The following NCK2 variants were observed in gnomAD, a reference collection of about 807,000 sequenced individuals.
NCK2 encodes NCK adaptor protein 2, also known as cytoplasmic protein NCK2.
In NCK2, 16 loss-of-function variants were observed where a neutral mutation model predicts 33.9. That is an observed-to-expected ratio of 0.47 (90% confidence interval 0.32 to 0.72). NCK2 has a LOEUF of 0.72. Ranked by LOEUF, NCK2 falls within the 30% of genes least tolerant of loss-of-function variation. NCK2 has a pLI of 0.03. For synonymous variants in NCK2, 273 were observed against 239.9 expected (o/e 1.14, Z -1.27); for missense variants, 418 against 537.3 (o/e 0.78, Z 2.19).
intron 1 of NCK2, among the ~76,000 whole-genome samples, chr2:105,761,185 C>G (rs1689753820): frequency 6.6e-6 from 1 of 152,136 alleles, no homozygotes; most frequent in Admixed American, 6.5e-5. Flanking sequence ...TGTGCCCTAC[C>G]CGGGTGCTGG....
At chr2:105,773,273 T>C (rs1334862649) in intron 1 of NCK2, among the ~76,000 whole-genome samples, 3 of 152,026 alleles carry the variant, frequency 2.0e-5, no homozygotes, top group Admixed American at 6.6e-5. Context: ...ATTGCAGTTG[T>C]TTCTCGAATC....
rs1285546797 is a variant in NCK2 at position 105,797,833 on chromosome 2, G to GA, written c.-200-18589dup. Among the ~76,000 whole-genome samples, 5 of 151,952 alleles carry GA rather than the reference G, an allele frequency of 3.3e-5. No homozygotes were observed. The East Asian group carries it at 7.7e-4, about 23-fold the overall frequency. On this transcript the variant is annotated intron_variant, in intron 1 of 4. Transcript: ENST00000233154. ...AAAACCAGTTTGTAAATTTGGCACA[G>GA]AAAAAAAACCCTTTCAGCAATTTGG...
intron 2 of NCK2, among the ~76,000 whole-genome samples, chr2:105,830,487 A>G (rs568372426): frequency 1.4e-4 from 21 of 152,096 alleles, no homozygotes; most frequent in Non-Finnish European, 2.9e-4. Context: ...GTTAATGGAC[A>G]CTTAGGTTGA....
intron 2 of NCK2, among the ~76,000 whole-genome samples, chr2:105,828,387 GC>G (rs1676036586): frequency 6.6e-6 from 1 of 152,062 alleles, no homozygotes; most frequent in Non-Finnish European, 1.5e-5. Flanking sequence ...ACAATAATTT[GC>G]CTGTAATTAA....
chr2:105,873,860 G>A (rs572327672), intron 3 of NCK2, among the ~76,000 whole-genome samples: 3 of 152,270 alleles, frequency 2.0e-5, no homozygotes, highest in Admixed American at 6.5e-5. Context: ...CCTCTGCAGC[G>A]TGGGCAGATG....
At position 105,893,998 on chromosome 2, in the gene NCK2, T is replaced by TGC. The variant is rs951266488; in HGVS notation, c.*823_*824dup. ...CCAACACTTTATACACACACACACG[T>TGC]GCACACACACACACACACACACTAT... On this transcript the variant is annotated 3_prime_UTR_variant, in exon 5 of 5. Coordinates refer to ENST00000233154, the MANE Select transcript of NCK2 (RefSeq NM_003581.5). 1.6e-4 allele frequency: 6 copies of TGC among 36,580 alleles called. No homozygotes were observed. Among genetic ancestry groups the TGC allele is most frequent in the East Asian group, 1.2e-3 (1 of 824 alleles). 2.3% of individuals were successfully genotyped at this position (36,580 alleles called of 1,614,324 possible). A position where few individuals can be genotyped will look rare whatever the true frequency, so the allele number is the denominator to read the frequency against.
At chr2:105,780,747 A>G (rs1333853040) in intron 1 of NCK2, among the ~76,000 whole-genome samples, 1 of 152,082 alleles carries the variant, frequency 6.6e-6, no homozygotes, top group East Asian at 1.9e-4. Context: ...TAATTTCCTT[A>G]CGGAAGACAC....
intron 3 of NCK2, 80 bp downstream of exon 3, chr2:105,855,369 CAAA>C (rs3832068): frequency 3.0e-5 from 22 of 744,654 alleles, no homozygotes; most frequent in Admixed American, 1.4e-4. Context: ...TTTGCTGTTT[CAAA>C]AAAAAAAAAG....
chr2:105,823,339 TGGAGGGTGTG>T (rs1278646983), intron 2 of NCK2, among the ~76,000 whole-genome samples: 1 of 151,844 alleles, frequency 6.6e-6, no homozygotes, highest in Non-Finnish European at 1.5e-5. Context: ...GCGTGTCTGG[TGGAGGGTGTG>T]GGAGGGGAGT....
upstream of NCK2, among the ~76,000 whole-genome samples, chr2:105,744,463 G>A (rs920759345): frequency 2.0e-5 from 3 of 152,162 alleles, no homozygotes; most frequent in Non-Finnish European, 4.4e-5. Context: ...TTCGTGATAA[G>A]AACAACGAAC....
At chr2:105,784,443 TAGTA>T (rs1407415945) in intron 1 of NCK2, among the ~76,000 whole-genome samples, 4 of 152,244 alleles carry the variant, frequency 2.6e-5, no homozygotes, top group Non-Finnish European at 5.9e-5. Flanking sequence ...CCTTTCAGGC[TAGTA>T]AGTATTGATG....
intron 1 of NCK2, among the ~76,000 whole-genome samples, chr2:105,777,691 C>T (rs1009441820): frequency 2.6e-5 from 4 of 152,266 alleles, no homozygotes; most frequent in African/African-American, 9.6e-5. Context: ...TATCAAGGTC[C>T]TGTGTGTAGA....
intron 1 of NCK2, among the ~76,000 whole-genome samples, chr2:105,812,672 A>G (rs1257309837): frequency 1.3e-5 from 2 of 152,194 alleles, no homozygotes; most frequent in Non-Finnish European, 2.9e-5. Context: ...TAAAAGGAAA[A>G]GGACAATTGC....
intron 1 of NCK2, among the ~76,000 whole-genome samples, chr2:105,776,715 G>A (rs1690314682): frequency 6.6e-6 from 1 of 152,270 alleles, no homozygotes; most frequent in African/African-American, 2.4e-5. Flanking sequence ...CAGCAGGGCT[G>A]GACTTAGTCC....
chr2:105,867,652 G>T (rs1387199486), intron 3 of NCK2, among the ~76,000 whole-genome samples: 1 of 152,190 alleles, frequency 6.6e-6, no homozygotes, highest in Admixed American at 6.5e-5. Context: ...AGTTCACAGT[G>T]GGGTGTGTGG....
intron 1 of NCK2, among the ~76,000 whole-genome samples, chr2:105,787,672 C>A (rs1013889924): frequency 1.2e-4 from 18 of 152,158 alleles, no homozygotes; most frequent in African/African-American, 4.1e-4. Flanking sequence ...GCGGTGGAGA[C>A]TCCACCCCAT....
intron 2 of NCK2, among the ~76,000 whole-genome samples, chr2:105,818,360 T>C (rs922213372): frequency 6.6e-6 from 1 of 151,242 alleles, no homozygotes; most frequent in Non-Finnish European, 1.5e-5. Flanking sequence ...CACACCAACA[T>C]GGCACATGTA....
intron 4 of NCK2, among the ~76,000 whole-genome samples, chr2:105,887,451 C>T (rs1311325424): frequency 1.3e-5 from 2 of 151,942 alleles, no homozygotes; most frequent in Admixed American, 1.3e-4. Flanking sequence ...GAGACTTCAG[C>T]GTGGCTGGAG....
At chr2:105,815,049 T>G (rs1041519134) in intron 1 of NCK2, among the ~76,000 whole-genome samples, 2 of 152,206 alleles carry the variant, frequency 1.3e-5, no homozygotes, top group African/African-American at 4.8e-5. Context: ...GAACTCTTGG[T>G]CAAGAACTGA....
Sources: allele counts gnomAD v4.1 joint callset (sites outside exome capture counted in the v4.1 genomes callset), GRCh38; gene constraint gnomAD v4.1.1; transcripts MANE v1.5; gene names NCBI Gene and HGNC (gene_info 2026-07-23, HGNC 2026-07-21).